The following ALG14 variants were observed in gnomAD, a reference collection of about 807,000 sequenced individuals.
ALG14 encodes the protein UDP-N-acetylglucosamine transferase subunit ALG14.
In ALG14, 17 loss-of-function variants were observed where a neutral mutation model predicts 22.8. The observed-to-expected ratio is 0.75, with a 90% CI of 0.51 to 1.12. The LOEUF (loss-of-function observed/expected upper bound fraction) is 1.12. Ranked by LOEUF, ALG14 falls within the 50% of genes most tolerant of loss-of-function variation. The pLI, the probability that ALG14 is intolerant of heterozygous loss-of-function variation, is 0.00. For synonymous variants in ALG14, 89 were observed against 103.7 expected (o/e 0.86, Z 0.86); for missense variants, 288 against 271.8 (o/e 1.06, Z -0.42).
At chr1:95,053,932 C>A (rs956489671) in intron 2 of ALG14, among the ~76,000 whole-genome samples, 2 of 152,166 alleles carry the variant, frequency 1.3e-5, no homozygotes, top group African/African-American at 2.4e-5. Context: ...TACCAAGGAA[C>A]TTCTTTTACA....
chr1:94,985,580 T>C (rs573018569), intron 3 of ALG14, among the ~76,000 whole-genome samples: 25 of 152,364 alleles, frequency 1.6e-4, no homozygotes, highest in African/African-American at 6.0e-4. Flanking sequence ...ATCTTGAATG[T>C]CACAGAAAGA....
At chr1:95,032,834 G>A (rs542746769) in intron 2 of ALG14, among the ~76,000 whole-genome samples, 1 of 152,158 alleles carries the variant, frequency 6.6e-6, no homozygotes, top group Non-Finnish European at 1.5e-5. Context: ...TCATTTAAAG[G>A]AAACACTGAG....
chr1:95,046,241 C>T (rs924611028), intron 2 of ALG14, among the ~76,000 whole-genome samples: 8 of 152,172 alleles, frequency 5.3e-5, no homozygotes, highest in Non-Finnish European at 8.8e-5. Context: ...AACCATCAGG[C>T]TGTGAATCAG....
chr1:95,046,844 T>C (rs1324099605), intron 2 of ALG14, among the ~76,000 whole-genome samples: 3 of 152,174 alleles, frequency 2.0e-5, no homozygotes, highest in African/African-American at 4.8e-5. Flanking sequence ...ACGCCTGTAA[T>C]CTCAACACTT....
chr1:94,984,385 G>A (rs953231463), intron 3 of ALG14, among the ~76,000 whole-genome samples: 2 of 152,092 alleles, frequency 1.3e-5, no homozygotes, highest in African/African-American at 2.4e-5. Context: ...GACTCTCCCC[G>A]ACAGAAAGAG....
At position 95,000,679 on chromosome 1, in the gene ALG14, G is replaced by A. The variant is rs188088838; in HGVS notation, c.421-17373C>T. ...TTCTTTGTTCAAATTAATCAGTTCT[G>A]TAATACATAAACCAGGATTAGCAAA... On this transcript the variant is annotated intron_variant, in intron 3 of 3. Coordinates refer to ENST00000370205, the MANE Select transcript of ALG14 (RefSeq NM_144988.4). 4.8e-5 allele frequency among the ~76,000 whole-genome samples: 7 copies of A among 146,908 alleles called. No individual in the cohort carries two copies. The Admixed American group carries it at 4.8e-4, about 10-fold the overall frequency.
intron 3 of ALG14, 145 bp downstream of exon 3, chr1:95,026,984 G>C (rs112595899): frequency 9.8e-7 from 1 of 1,024,294 alleles, no homozygotes; most frequent in Non-Finnish European, 1.4e-6. Flanking sequence ...GGAAGTCCAA[G>C]ATCAAGGCAC....
At chr1:95,070,452 C>G (rs1429581908) in intron 1 of ALG14, among the ~76,000 whole-genome samples, 1 of 152,198 alleles carries the variant, frequency 6.6e-6, no homozygotes, top group Non-Finnish European at 1.5e-5. Flanking sequence ...CAGTAGCCAA[C>G]CAAATCTTGT....
At chr1:95,037,685 C>T (rs891447409) in intron 2 of ALG14, among the ~76,000 whole-genome samples, 2 of 152,142 alleles carry the variant, frequency 1.3e-5, no homozygotes, top group South Asian at 2.1e-4. Flanking sequence ...CAATTTTAAG[C>T]GTAGGTTTAT....
intron 1 of ALG14, among the ~76,000 whole-genome samples, chr1:95,067,795 T>G (rs181769541): frequency 6.6e-6 from 1 of 152,262 alleles, no homozygotes; most frequent in East Asian, 1.9e-4. Flanking sequence ...TTGATCAAAT[T>G]ATTTACTTCT....
intron 1 of ALG14, among the ~76,000 whole-genome samples, chr1:95,067,717 G>T (rs961753017): frequency 6.6e-6 from 1 of 152,086 alleles, no homozygotes; most frequent in Non-Finnish European, 1.5e-5. Context: ...ACAGTTTCTT[G>T]ATCTGTTCCC....
intron 2 of ALG14, among the ~76,000 whole-genome samples, chr1:95,039,118 G>A (rs1017207844): frequency 3.3e-5 from 5 of 152,166 alleles, no homozygotes; most frequent in African/African-American, 1.2e-4. Flanking sequence ...AATAGTGTGG[G>A]TGTGGTTGGT....
At position 95,011,713 on chromosome 1, in the gene ALG14, C is replaced by A. The variant is rs547868055; in HGVS notation, c.420+15416G>T. On this transcript the variant is annotated intron_variant, in intron 3 of 3. Coordinates refer to ENST00000370205, the MANE Select transcript of ALG14 (RefSeq NM_144988.4). The stretch of plus-strand genomic sequence containing the variant: ...TACAGGTGTGAGCCGCCGTGCCCAG[C>A]CGAAAAATAAATTTCTATTGTTAAT... 2.8e-4 allele frequency among the ~76,000 whole-genome samples: 42 copies of A among 152,188 alleles called. No individual in the cohort carries two copies. The South Asian group carries it at 3.5e-3, about 13-fold the overall frequency.
At chr1:95,039,865 G>A (rs1674325742) in intron 2 of ALG14, among the ~76,000 whole-genome samples, 1 of 152,050 alleles carries the variant, frequency 6.6e-6, no homozygotes, top group Non-Finnish European at 1.5e-5. Context: ...TGACAAGTCA[G>A]ACTTGAAAGC....
intron 2 of ALG14, among the ~76,000 whole-genome samples, chr1:95,044,769 T>C (rs967130935): frequency 6.6e-6 from 1 of 152,328 alleles, no homozygotes; most frequent in East Asian, 1.9e-4. Context: ...AGCTCCATGA[T>C]GGCAGACATT....
intron 3 of ALG14, among the ~76,000 whole-genome samples, chr1:94,990,126 G>GA (rs1210812174): frequency 8.5e-5 from 13 of 152,190 alleles, no homozygotes; most frequent in African/African-American, 2.9e-4. Flanking sequence ...CAGGCAACTA[G>GA]AAAGAGAAGA....
chr1:95,007,635 A>G (rs1175576239), intron 3 of ALG14, among the ~76,000 whole-genome samples: 1 of 152,206 alleles, frequency 6.6e-6, no homozygotes, highest in Non-Finnish European at 1.5e-5. Context: ...TTGTCTACAC[A>G]AGCTAAAACA....
intron 3 of ALG14, among the ~76,000 whole-genome samples, chr1:95,006,509 C>A (rs1413247914): frequency 1.3e-5 from 2 of 152,080 alleles, no homozygotes; most frequent in African/African-American, 4.8e-5. Flanking sequence ...AAGGGAGAAC[C>A]AGGAAGAGAG....
intron 2 of ALG14, among the ~76,000 whole-genome samples, chr1:95,059,708 T>C (rs1222058744): frequency 2.0e-5 from 3 of 152,006 alleles, no homozygotes; most frequent in Admixed American, 1.3e-4. Flanking sequence ...TTCTATTCTA[T>C]ATGATCCAAA....
Sources: allele counts gnomAD v4.1 joint callset (sites outside exome capture counted in the v4.1 genomes callset), GRCh38; gene constraint gnomAD v4.1.1; transcripts MANE v1.5; gene names NCBI Gene and HGNC (gene_info 2026-07-23, HGNC 2026-07-21).